SETBP1: variants seen among roughly 807,000 people sequenced by gnomAD.
The protein encoded by SETBP1 is SET binding protein 1.
In SETBP1, 9 loss-of-function variants were observed where a neutral mutation model predicts 101.0. The ratio of observed to expected loss-of-function variants is 0.09; its 90% CI spans 0.05 to 0.16. The LOEUF (loss-of-function observed/expected upper bound fraction) is 0.16. SETBP1 is among the 10% of genes least tolerant of loss of function. The probability of loss-of-function intolerance (pLI) is 1.00; values close to 1 mark genes in which losing one functional copy is unlikely to be tolerated. For synonymous variants in SETBP1, 818 were observed against 788.5 expected (o/e 1.04, Z -0.63); for missense variants, 1,858 against 2,033.8 (o/e 0.91, Z 1.66).
chr18:44,844,116 A>T (rs904023327), intron 2 of SETBP1, among the ~76,000 whole-genome samples: 4 of 152,070 alleles, frequency 2.6e-5, no homozygotes, highest in Non-Finnish European at 4.4e-5. Flanking sequence ...GGGATGAGGG[A>T]ACGTATTTTC....
At chr18:44,917,793 C>T (rs965714929) in intron 3 of SETBP1, among the ~76,000 whole-genome samples, 9 of 152,082 alleles carry the variant, frequency 5.9e-5, no homozygotes, top group Admixed American at 2.6e-4. Flanking sequence ...ACTCAAAGCC[C>T]GTGCATGGCA....
intron 5 of SETBP1, among the ~76,000 whole-genome samples, chr18:45,048,701 G>A (rs1304992508): frequency 1.3e-5 from 2 of 152,076 alleles, no homozygotes; most frequent in South Asian, 2.1e-4. Flanking sequence ...GGCCGGGCGC[G>A]GTGGCTCACG....
chr18:44,898,920 T>C (rs1481330882), intron 3 of SETBP1, among the ~76,000 whole-genome samples: 1 of 152,200 alleles, frequency 6.6e-6, no homozygotes, highest in African/African-American at 2.4e-5. Context: ...CTGGCTTGGC[T>C]TTCCATGTGT....
At chr18:44,758,661 C>A (rs374236692) in intron 2 of SETBP1, among the ~76,000 whole-genome samples, 1 of 151,950 alleles carries the variant, frequency 6.6e-6, no homozygotes, top group Non-Finnish European at 1.5e-5. Flanking sequence ...GGATTACAGG[C>A]GTGAGCCACC....
intron 2 of SETBP1, among the ~76,000 whole-genome samples, chr18:44,841,814 G>C (rs544868390): frequency 6.6e-6 from 1 of 152,160 alleles, no homozygotes; most frequent in African/African-American, 2.4e-5. Flanking sequence ...ACCTATTAGA[G>C]TTCTCTGAAG....
chr18:44,878,333 AT>A lies in SETBP1; in HGVS notation c.540+9060del, dbSNP rs11422925. ...TCTTTACATCTTCAGTTTTTCATTC[AT>A]TTTTTTTTTCTCTTCAATCCTTTTG... On this transcript the variant is annotated intron_variant, in intron 3 of 5. Transcript: ENST00000649279. Among the ~76,000 whole-genome samples the A allele has an allele frequency of 2.4e-3, 357 of 150,202 alleles. 5 individuals carry two copies. Among genetic ancestry groups the A allele is most frequent in the African/African-American group, 8.1e-3 (332 of 40,938 alleles).
intron 3 of SETBP1, among the ~76,000 whole-genome samples, chr18:44,910,465 G>C (rs780263151): frequency 6.6e-6 from 1 of 152,148 alleles, no homozygotes; most frequent in Non-Finnish European, 1.5e-5. Flanking sequence ...GCTGTTGTCT[G>C]TACAACCTAT....
In SETBP1 at chr18:44,952,488, C is replaced by T. The variant is rs1568237091; in HGVS notation, c.3148C>T (p.Pro1050Ser). Residue 1050 changes from proline to serine, a missense_variant, in exon 4 of 6, where the codon CCC (proline) becomes TCC (serine). Coordinates refer to ENST00000649279, the MANE Select transcript of SETBP1 (RefSeq NM_015559.3). The part of the protein sequence containing the change: ...YPIPSGSYYA[P>S]YGMPYTSMPM... ...TATTCCCAGTGGAAGTTACTATGCACCCTATGGAATGCCTTACACATCAAT... is the reference window on the plus strand; with the variant it reads ...TATTCCCAGTGGAAGTTACTATGCATCCTATGGAATGCCTTACACATCAAT... The T allele has an allele frequency of 1.9e-6, 3 of 1,614,090 alleles. No individual in the cohort carries two copies. Among genetic ancestry groups the T allele is most frequent in the Non-Finnish European group, 2.5e-6 (3 of 1,180,016 alleles).
At chr18:44,898,266 T>C (rs1288174586) in intron 3 of SETBP1, among the ~76,000 whole-genome samples, 2 of 152,164 alleles carry the variant, frequency 1.3e-5, no homozygotes, top group Admixed American at 6.5e-5. Context: ...TAAGCACCAA[T>C]GGGTTTCCTG....
intron 2 of SETBP1, among the ~76,000 whole-genome samples, chr18:44,847,549 A>G (rs191290707): frequency 4.6e-5 from 7 of 152,268 alleles, no homozygotes; most frequent in Middle Eastern, 3.4e-3. Context: ...TAGAAACACA[A>G]AGTAGAGCTC....
chr18:44,788,002 G>T (rs1229622542), intron 2 of SETBP1, among the ~76,000 whole-genome samples: 1 of 144,696 alleles, frequency 6.9e-6, no homozygotes, highest in Admixed American at 6.9e-5. Flanking sequence ...GTTTATTGGA[G>T]TTTTTTTTTT....
At chr18:44,720,879 A>G (rs1191702225) in intron 2 of SETBP1, among the ~76,000 whole-genome samples, 14 of 151,772 alleles carry the variant, frequency 9.2e-5, no homozygotes, top group Non-Finnish European at 2.1e-4. Flanking sequence ...TACGTGCACT[A>G]AGAAAGCAAT....
intron 4 of SETBP1, among the ~76,000 whole-genome samples, chr18:44,992,328 C>T (rs1170067439): frequency 2.0e-5 from 3 of 151,814 alleles, no homozygotes; most frequent in African/African-American, 7.3e-5. Flanking sequence ...TTTTTAAAGA[C>T]TGATTGATTT....
intron 3 of SETBP1, among the ~76,000 whole-genome samples, chr18:44,918,979 C>A (rs532465794): frequency 6.6e-6 from 1 of 152,150 alleles, no homozygotes; most frequent in East Asian, 1.9e-4. Flanking sequence ...TTGGATTCTG[C>A]TGGAGATAAA....
At chr18:44,705,094 G>C (rs1377173127) in intron 2 of SETBP1, among the ~76,000 whole-genome samples, 2 of 152,200 alleles carry the variant, frequency 1.3e-5, no homozygotes, top group East Asian at 3.8e-4. Flanking sequence ...TTGGCAAACT[G>C]TAGCCTGTGG....
intron 4 of SETBP1, among the ~76,000 whole-genome samples, chr18:45,002,182 G>A (rs890937516): frequency 1.3e-5 from 2 of 151,988 alleles, no homozygotes; most frequent in African/African-American, 4.8e-5. Flanking sequence ...ATGAAAACAG[G>A]CCAAAACAGA....
chr18:45,032,947 G>A (rs2073326703), intron 4 of SETBP1, among the ~76,000 whole-genome samples: 2 of 152,204 alleles, frequency 1.3e-5, no homozygotes, highest in South Asian at 2.1e-4. Flanking sequence ...TGTAAATCTT[G>A]GGGAAAAGGG....
At chr18:44,879,849 C>A (rs1297598676) in intron 3 of SETBP1, among the ~76,000 whole-genome samples, 1 of 152,198 alleles carries the variant, frequency 6.6e-6, no homozygotes, top group Non-Finnish European at 1.5e-5. Context: ...TCTCTTCCCA[C>A]CTACAGCACT....
intron 2 of SETBP1, among the ~76,000 whole-genome samples, chr18:44,702,332 C>T (rs1568098254): frequency 6.6e-6 from 1 of 152,060 alleles, no homozygotes; most frequent in Non-Finnish European, 1.5e-5. Context: ...GAAGTTCAAG[C>T]CCGTGTTGTT....
Sources: gnomAD v4.1 joint callset for allele counts (sites outside exome capture counted in the v4.1 genomes callset) on GRCh38, gnomAD v4.1.1 for gene constraint, MANE v1.5 for transcripts, NCBI Gene and HGNC (gene_info 2026-07-23, HGNC 2026-07-21) for gene names.